Variants in C9orf72 observed in about 807,000 individuals in gnomAD.
C9orf72 encodes the protein guanine nucleotide exchange factor C9orf72.
C9orf72 carries 44 observed loss-of-function variants against 51.6 expected under a neutral mutation model. That is an observed-to-expected ratio of 0.85 (90% CI 0.67 to 1.10). C9orf72 has a LOEUF of 1.10. C9orf72 is among the 50% of genes least tolerant of loss of function. The probability of loss-of-function intolerance (pLI) is 0.00; values close to 1 mark genes in which losing one functional copy is unlikely to be tolerated. For missense variants in C9orf72, 607 were observed against 570.6 expected (o/e 1.06, Z -0.65); for synonymous variants, 213 against 194.2 (o/e 1.10, Z -0.81).
At chr9:27,572,401 G>A (rs528084805) in intron 1 of C9orf72, among the ~76,000 whole-genome samples, 1 of 151,554 alleles carries the variant, frequency 6.6e-6, no homozygotes, top group Admixed American at 6.6e-5. Context: ...TTGTTTCTGT[G>A]ATATTCACAG....
In C9orf72 at chr9:27,548,160, G is replaced by C; in HGVS notation, c.*76C>G. 1 of 1,110,580 alleles carries C rather than the reference G, an allele frequency of 9.0e-7. No homozygotes were observed. Among genetic ancestry groups the C allele is most frequent in the South Asian group, 1.6e-5 (1 of 60,744 alleles). The allele number at this position is 1,110,580 out of a possible 1,614,324, so 68.8% of individuals were successfully genotyped here. On this transcript the variant is annotated 3_prime_UTR_variant, in exon 11 of 11. Transcript: ENST00000380003. Reference sequence around the variant, plus strand: ...CAGAATTCTGGAGTATGATCCAGGGGAACGTTTCCCCACACCACTGAGCTA... The same window carrying C: ...CAGAATTCTGGAGTATGATCCAGGGCAACGTTTCCCCACACCACTGAGCTA...
chr9:27,554,021 G>A (rs571162667), intron 8 of C9orf72, among the ~76,000 whole-genome samples: 1 of 152,248 alleles, frequency 6.6e-6, no homozygotes, highest in South Asian at 2.1e-4. Flanking sequence ...AATCACAGAT[G>A]TTGGCAAGGT....
chr9:27,564,840 T>G (rs1009289371), intron 3 of C9orf72, among the ~76,000 whole-genome samples: 8 of 152,152 alleles, frequency 5.3e-5, no homozygotes, highest in African/African-American at 1.9e-4. Context: ...GAACTCTTTC[T>G]TCACTGGAGA....
intron 1 of C9orf72, among the ~76,000 whole-genome samples, chr9:27,571,838 G>T (rs900600950): frequency 6.6e-6 from 1 of 152,128 alleles, no homozygotes; most frequent in African/African-American, 2.4e-5. Flanking sequence ...TCCACAACAG[G>T]AGCTGCCCAG....
intron 9 of C9orf72, among the ~76,000 whole-genome samples, chr9:27,549,251 A>C (rs1045213779): frequency 6.6e-6 from 1 of 152,234 alleles, no homozygotes; most frequent in African/African-American, 2.4e-5. Context: ...ACTCATACAT[A>C]AGTTATTTCG....
intron 9 of C9orf72, among the ~76,000 whole-genome samples, chr9:27,550,266 T>C (rs1820879982): frequency 6.6e-6 from 1 of 151,594 alleles, no homozygotes; most frequent in Admixed American, 6.6e-5. Flanking sequence ...GTATATATTA[T>C]ATCTGTAAAA....
chr9:27,565,805 T>C (rs1327802673), intron 2 of C9orf72, among the ~76,000 whole-genome samples: 1 of 151,942 alleles, frequency 6.6e-6, no homozygotes, highest in East Asian at 1.9e-4. Flanking sequence ...TATTCTGCAG[T>C]GAAAAAAAGA....
At chr9:27,554,603 C>T in intron 8 of C9orf72, 1 of 398,340 alleles carries the variant, frequency 2.5e-6, no homozygotes, top group Non-Finnish European at 4.4e-6. Flanking sequence ...CTGTATAACA[C>T]ACCTGCACAT....
At position 27,556,558 on chromosome 9, in the gene C9orf72, T is replaced by G. The variant is rs770465523; in HGVS notation, c.1091+3A>C. 2 of 1,592,222 alleles carry G rather than the reference T, an allele frequency of 1.3e-6. No homozygotes were observed. Among genetic ancestry groups the G allele is most frequent in the Non-Finnish European group, 1.7e-6 (2 of 1,160,286 alleles). ...CAGTACCAGCAGGCAGAGCATTACG[T>G]ACAAATCAGGAGTAAAGCTTTCGTC... On this transcript the variant is annotated splice_donor_region_variant and intron_variant, in intron 8 of 10. Transcript: ENST00000380003.
At chr9:27,565,452 C>T (rs1243568830) in intron 3 of C9orf72, 79 bp downstream of exon 3, 2 of 890,358 alleles carry the variant, frequency 2.2e-6, no homozygotes, top group Non-Finnish European at 3.6e-6. Context: ...GTCTCCAAGG[C>T]CTTGACAAAT....
intron 1 of C9orf72, among the ~76,000 whole-genome samples, chr9:27,569,200 G>C (rs1040723374): frequency 9.2e-5 from 14 of 152,120 alleles, no homozygotes; most frequent in African/African-American, 3.4e-4. Flanking sequence ...TATTTTAAAA[G>C]TTAAAAAATT....
intron 7 of C9orf72, among the ~76,000 whole-genome samples, chr9:27,558,066 T>C: frequency 6.7e-6 from 1 of 149,480 alleles, no homozygotes; most frequent in South Asian, 2.1e-4. Context: ...TAATATATAT[T>C]ATATATAGAA....
In C9orf72 at chr9:27,565,565, ATCT is replaced by A. The variant is rs753657530; in HGVS notation, c.467_469del (p.Lys156del). 1.9e-6 allele frequency: 3 copies of A among 1,606,568 alleles called. No homozygotes were observed. The highest frequency in any genetic ancestry group is 1.1e-5 in the South Asian group (1 of 90,794). ...CATTCTCTCTGTGCCTTCTAAGATA[ATCT>A]TCTGGACATTTTCTTGTCTTTCCTG... is the stretch of plus-strand genomic sequence containing the variant. On this transcript the variant is annotated inframe_deletion, in exon 3 of 11. Coordinates refer to ENST00000380003, the MANE Select transcript of C9orf72 (RefSeq NM_018325.5).
rs201902265 is a variant in C9orf72 at position 27,558,085 on chromosome 9, A to ATG, written c.855+405_855+406insCA. The stretch of plus-strand genomic sequence containing the variant: ...ATATATTATATATAGAAATATATAT[A>ATG]TTTTAGTACACATACATAGGAATTG... On this transcript the variant is annotated intron_variant, in intron 7 of 10. Transcript: ENST00000380003. 4.4e-3 allele frequency among the ~76,000 whole-genome samples: 654 copies of ATG among 149,904 alleles called. 5 individuals are homozygous for ATG. The highest frequency in any genetic ancestry group is 0.015 in the African/African-American group (624 of 41,232).
At position 27,566,846 on chromosome 9, in the gene C9orf72, A is replaced by G; in HGVS notation, c.275T>C (p.Val92Ala). 6.2e-7 allele frequency: 1 copy of G among 1,613,918 alleles called. No individual in the cohort carries two copies. The highest frequency in any genetic ancestry group is 8.5e-7 in the Non-Finnish European group (1 of 1,179,904). The change falls in exon 2 of 11, where the codon GTG (valine) becomes GCG (alanine). Residue 92 changes from valine (V) to alanine (A), a missense_variant. Transcript: ENST00000380003. ...VKFFVLSEKGVIIVSLIFDGN... is the reference protein window; with the variant it reads ...VKFFVLSEKGAIIVSLIFDGN... ...ATCAAAGATTAATGAAACAATAATC[A>G]CTCCCTTTTCAGACAAGACAAAAAA...
chr9:27,571,379 C>T (rs540799531), intron 1 of C9orf72: 1 of 152,296 alleles, frequency 6.6e-6, no homozygotes, highest in Admixed American at 6.5e-5. Flanking sequence ...AAAAATCAAC[C>T]ATCTCTTCCC....
At chr9:27,560,576 T>C in intron 5 of C9orf72, 1 of 797,034 alleles carries the variant, frequency 1.3e-6, no homozygotes, top group South Asian at 4.0e-5. Context: ...CATCATTTTA[T>C]AGCTGAAGAA....
chr9:27,568,347 A>G (rs1016532673), intron 1 of C9orf72, among the ~76,000 whole-genome samples: 2 of 152,220 alleles, frequency 1.3e-5, no homozygotes, highest in African/African-American at 4.8e-5. Flanking sequence ...TTAGTTATTT[A>G]GAACACGTAG....
At chr9:27,561,474 T>C in intron 5 of C9orf72, 111 bp downstream of exon 5, 1 of 1,249,946 alleles carries the variant, frequency 8.0e-7, no homozygotes, top group Non-Finnish European at 1.1e-6. Context: ...GTAATGTCCC[T>C]AGAACAATCT....
Sources: allele counts gnomAD v4.1 joint callset (sites outside exome capture counted in the v4.1 genomes callset), GRCh38; gene constraint gnomAD v4.1.1; transcripts MANE v1.5; gene names NCBI Gene and HGNC (gene_info 2026-07-23, HGNC 2026-07-21).